CADM2: variants seen among roughly 807,000 people sequenced by gnomAD.
The protein encoded by CADM2 is immunoglobulin superfamily member 4D.
In CADM2, 12 loss-of-function variants were observed where a neutral mutation model predicts 49.8. The ratio of observed to expected loss-of-function variants is 0.24; its 90% confidence interval spans 0.15 to 0.39. CADM2 has a LOEUF of 0.39. Ranked by LOEUF, CADM2 falls within the 10% of genes least tolerant of loss-of-function variation. The pLI is 1.00. For synonymous variants in CADM2, 214 were observed against 175.4 expected, an observed-to-expected ratio of 1.22 and a Z score of -1.74; for missense variants, 378 against 492.3, an observed-to-expected ratio of 0.77 and a Z score of 2.20.
chr3:85,970,577 C>A (rs915794289), intron 8 of CADM2, among the ~76,000 whole-genome samples: 1 of 151,552 alleles, frequency 6.6e-6, no homozygotes, highest in East Asian at 2.0e-4. Context: ...ACATTATTAC[C>A]TTATCATTTA....
At chr3:85,603,415 A>G (rs548045406) in intron 1 of CADM2, among the ~76,000 whole-genome samples, 1 of 151,992 alleles carries the variant, frequency 6.6e-6, no homozygotes, top group South Asian at 2.1e-4. Context: ...TTTTTTCTCA[A>G]CAAGTTGTTA....
intron 1 of CADM2, among the ~76,000 whole-genome samples, chr3:85,307,167 A>G (rs1296534176): frequency 1.3e-5 from 2 of 151,602 alleles, no homozygotes; most frequent in Non-Finnish European, 3.0e-5. Context: ...ATGCATATAT[A>G]TATGTGTGGT....
intron 1 of CADM2, among the ~76,000 whole-genome samples, chr3:85,523,952 T>G (rs2061094118): frequency 6.6e-6 from 1 of 152,112 alleles, no homozygotes; most frequent in Non-Finnish European, 1.5e-5. Context: ...GTTGTCTAAA[T>G]CAGAGATAAA....
At chr3:85,986,332 C>A (rs1728105809) in intron 8 of CADM2, among the ~76,000 whole-genome samples, 1 of 151,920 alleles carries the variant, frequency 6.6e-6, no homozygotes, top group Non-Finnish European at 1.5e-5. Context: ...AGTTAATCAC[C>A]ATAAATGTAC....
At chr3:85,559,825 A>AT (rs2062049074) in intron 1 of CADM2, among the ~76,000 whole-genome samples, 1 of 152,168 alleles carries the variant, frequency 6.6e-6, no homozygotes, top group African/African-American at 2.4e-5. Context: ...AAATTGCATC[A>AT]GTGATGACTG....
intron 1 of CADM2, among the ~76,000 whole-genome samples, chr3:85,652,963 C>T (rs573705956): frequency 8.6e-5 from 13 of 150,778 alleles, no homozygotes; most frequent in Non-Finnish European, 1.3e-4. Context: ...TAAGTAGAGA[C>T]GGGGTTTCAC....
chr3:85,928,306 A>T (rs1720153899), intron 6 of CADM2, among the ~76,000 whole-genome samples: 1 of 151,866 alleles, frequency 6.6e-6, no homozygotes, highest in African/African-American at 2.4e-5. Context: ...TTACAGGCGC[A>T]TGCCATCATG....
intron 1 of CADM2, among the ~76,000 whole-genome samples, chr3:85,338,821 A>C (rs2045161998): frequency 6.6e-6 from 1 of 151,466 alleles, no homozygotes; most frequent in African/African-American, 2.4e-5. Flanking sequence ...AATCCCAATA[A>C]AATTTTAGTT....
chr3:85,279,052 G>A (rs1403146046), intron 1 of CADM2, among the ~76,000 whole-genome samples: 1 of 151,360 alleles, frequency 6.6e-6, no homozygotes, highest in South Asian at 2.1e-4. Context: ...AAAGAGAGAT[G>A]CATATACTGA....
chr3:85,873,416 A>C (rs1711497251), intron 3 of CADM2, among the ~76,000 whole-genome samples: 1 of 152,210 alleles, frequency 6.6e-6, no homozygotes, highest in African/African-American at 2.4e-5. Flanking sequence ...TGGTGGTCCC[A>C]GCACTTTGGG....
At chr3:85,900,923 C>T (rs963905326) in intron 5 of CADM2, among the ~76,000 whole-genome samples, 1 of 152,094 alleles carries the variant, frequency 6.6e-6, no homozygotes, top group Non-Finnish European at 1.5e-5. Flanking sequence ...GTAGCTTTTC[C>T]CATTACCTTT....
intron 1 of CADM2, among the ~76,000 whole-genome samples, chr3:85,262,431 A>G (rs2043032784): frequency 6.6e-6 from 1 of 152,102 alleles, no homozygotes; most frequent in Non-Finnish European, 1.5e-5. Flanking sequence ...GTTGACATGG[A>G]TTCTTTATTC....
chr3:85,632,434 T>C (rs2107525535), intron 1 of CADM2, among the ~76,000 whole-genome samples: 1 of 152,220 alleles, frequency 6.6e-6, no homozygotes, highest in African/African-American at 2.4e-5. Context: ...AAATAAGCAA[T>C]AATATCAGAG....
Position 85,991,116 on chromosome 3 carries a change from C to A in CADM2, c.970+29469C>A, listed in dbSNP as rs551722573. Among the ~76,000 whole-genome samples, 502 of 152,236 alleles carry A rather than the reference C, an allele frequency of 3.3e-3. 3 individuals are homozygous for A. The highest frequency in any genetic ancestry group is 5.5e-3 in the Non-Finnish European group (375 of 68,000). On this transcript the variant is annotated intron_variant, in intron 8 of 9. Coordinates refer to ENST00000383699, the MANE Select transcript of CADM2 (RefSeq NM_001167675.2). ...TTGTCACAGGGACTGGGAGTTAAGG[C>A]TAAGAAAAATCTGTACAAACACAGC...
intron 1 of CADM2, among the ~76,000 whole-genome samples, chr3:85,429,505 T>C (rs183694449): frequency 3.3e-5 from 5 of 152,242 alleles, no homozygotes; most frequent in African/African-American, 1.2e-4. Context: ...AGATAAGCCA[T>C]GTTAACTTTT....
At chr3:85,131,093 C>A (rs2039213231) in intron 1 of CADM2, among the ~76,000 whole-genome samples, 1 of 152,014 alleles carries the variant, frequency 6.6e-6, no homozygotes, top group Non-Finnish European at 1.5e-5. Flanking sequence ...GCAGGAGAGT[C>A]ACTTGAACCC....
intron 1 of CADM2, among the ~76,000 whole-genome samples, chr3:85,064,492 A>G (rs2036451280): frequency 6.6e-6 from 1 of 152,092 alleles, no homozygotes; most frequent in Non-Finnish European, 1.5e-5. Context: ...AAATAACCAA[A>G]GAAACTTTCG....
intron 1 of CADM2, among the ~76,000 whole-genome samples, chr3:85,201,161 T>G (rs531373010): frequency 2.0e-4 from 31 of 152,328 alleles, no homozygotes; most frequent in Admixed American, 5.2e-4. Flanking sequence ...TTCATGGTAC[T>G]TTAATACTAC....
At chr3:85,475,809 G>T (rs1199908960) in intron 1 of CADM2, among the ~76,000 whole-genome samples, 1 of 151,772 alleles carries the variant, frequency 6.6e-6, no homozygotes, top group Admixed American at 6.6e-5. Context: ...TAAGATCCAG[G>T]CACTGTTCCT....
Sources: gnomAD v4.1 joint callset for allele counts (sites outside exome capture counted in the v4.1 genomes callset) on GRCh38, gnomAD v4.1.1 for gene constraint, MANE v1.5 for transcripts, NCBI Gene and HGNC (gene_info 2026-07-23, HGNC 2026-07-21) for gene names.